FYN: variants seen among roughly 807,000 people sequenced by gnomAD.
The protein encoded by FYN is tyrosine-protein kinase Fyn.
Under a neutral mutation model 70.2 loss-of-function variants are expected in FYN, and 10 were observed. That is an observed-to-expected ratio of 0.14 (90% CI 0.09 to 0.24). FYN has a LOEUF of 0.24. FYN is among the 10% of genes least tolerant of loss of function. The pLI is 1.00. For missense variants in FYN, 319 were observed against 673.1 expected (o/e 0.47, Z 5.82); for synonymous variants, 236 against 248.6 (o/e 0.95, Z 0.48).
intron 2 of FYN, among the ~76,000 whole-genome samples, chr6:111,812,036 G>A (rs1197889520): frequency 6.6e-6 from 1 of 152,210 alleles, no homozygotes; most frequent in Non-Finnish European, 1.5e-5. Context: ...TGTAGACAGT[G>A]CTCAAAACAC....
chr6:111,700,456 G>A (rs565720596), intron 8 of FYN, among the ~76,000 whole-genome samples, 188 bp from the exon 9 acceptor site: 277 of 152,272 alleles, frequency 1.8e-3, no homozygotes, highest in Non-Finnish European at 3.2e-3. Context: ...CGCTACACCA[G>A]CAGACGACCA....
intron 3 of FYN, among the ~76,000 whole-genome samples, chr6:111,774,526 G>A (rs1373588719): frequency 1.3e-5 from 2 of 151,968 alleles, no homozygotes; most frequent in Non-Finnish European, 2.9e-5. Flanking sequence ...TGTGCCAATG[G>A]CACCTCCCAG....
rs142577265 is a variant in FYN at position 111,661,604 on chromosome 6, C to T, written c.*135G>A. 3.6e-5 allele frequency: 28 copies of T among 772,956 alleles called. No homozygotes were observed. The highest frequency in any genetic ancestry group is 5.2e-5 in the African/African-American group (3 of 57,680). The allele number at this position is 772,956 out of a possible 1,614,324, so 47.9% of individuals were successfully genotyped here. A position where few individuals can be genotyped will look rare whatever the true frequency, so the allele number is the denominator to read the frequency against. ...GTCATTAATGAGGGCCATGGAAGTT[C>T]GTCAGCTTCAGAGTCACATGCAATC... On this transcript the variant is annotated 3_prime_UTR_variant, in exon 14 of 14. Transcript: ENST00000354650. The surrounding 1 kb of genome is among the most constrained non-coding windows in gnomAD (Gnocchi z 4.0).
intron 12 of FYN, among the ~76,000 whole-genome samples, chr6:111,687,630 G>T (rs996044290): frequency 6.7e-6 from 1 of 149,022 alleles, no homozygotes; most frequent in Non-Finnish European, 1.5e-5. Context: ...GTGTGTGTGT[G>T]TATGTGTGTG....
intron 3 of FYN, among the ~76,000 whole-genome samples, chr6:111,755,605 T>G (rs983135895): frequency 6.6e-6 from 1 of 152,194 alleles, no homozygotes; most frequent in Non-Finnish European, 1.5e-5. Context: ...TAAAAAGAAT[T>G]GACCATGTCC....
chr6:111,739,525 C>G (rs1198329667), intron 3 of FYN, among the ~76,000 whole-genome samples: 1 of 152,198 alleles, frequency 6.6e-6, no homozygotes, highest in Non-Finnish European at 1.5e-5. Flanking sequence ...AGAGGCCCCG[C>G]CGCTGGGCAG....
At chr6:111,812,707 G>A (rs1296106471) in intron 2 of FYN, among the ~76,000 whole-genome samples, 1 of 149,476 alleles carries the variant, frequency 6.7e-6, no homozygotes, top group Non-Finnish European at 1.5e-5. Flanking sequence ...CACAGAATGA[G>A]GCCAGAGACA....
intron 3 of FYN, among the ~76,000 whole-genome samples, chr6:111,761,833 T>C (rs971971060): frequency 3.3e-5 from 5 of 152,114 alleles, no homozygotes; most frequent in Non-Finnish European, 5.9e-5. Flanking sequence ...AGGGTCTCCT[T>C]GTACTTTTAG....
intron 9 of FYN, chr6:111,699,755 C>G (rs535491894): frequency 7.7e-7 from 1 of 1,306,630 alleles, no homozygotes; most frequent in Non-Finnish European, 1.1e-6. Context: ...AGGTGACTTG[C>G]CCGTTAGGAT....
chr6:111,704,228 G>T (rs1799965044), intron 6 of FYN, 126 bp from the exon 7 acceptor site: 2 of 681,348 alleles, frequency 2.9e-6, no homozygotes, highest in Non-Finnish European at 5.0e-6. Flanking sequence ...TTCCCTGGAT[G>T]TATTTTTTTT....
chr6:111,770,109 T>C (rs1340901168), intron 3 of FYN, among the ~76,000 whole-genome samples: 5 of 152,206 alleles, frequency 3.3e-5, no homozygotes, highest in Admixed American at 2.0e-4. Flanking sequence ...CCCAACACCA[T>C]AGCCAGTAGC....
chr6:111,747,383 A>G (rs1394143400), intron 3 of FYN, among the ~76,000 whole-genome samples: 1 of 152,266 alleles, frequency 6.6e-6, no homozygotes. Context: ...TTAAAGTCTC[A>G]CAGTGTAAAA....
intron 3 of FYN, among the ~76,000 whole-genome samples, chr6:111,780,326 T>C (rs1218448149): frequency 1.3e-5 from 2 of 152,208 alleles, no homozygotes; most frequent in African/African-American, 2.4e-5. Flanking sequence ...TCCGGAAACT[T>C]TTCTAAATAT....
At chr6:111,822,397 G>GC (rs1380944834) in intron 2 of FYN, among the ~76,000 whole-genome samples, 1 of 151,926 alleles carries the variant, frequency 6.6e-6, no homozygotes, top group Non-Finnish European at 1.5e-5. Context: ...ACCAAACACC[G>GC]CATGTTCTCA....
chr6:111,682,153 G>C (rs925326363), intron 12 of FYN, among the ~76,000 whole-genome samples: 1 of 152,174 alleles, frequency 6.6e-6, no homozygotes, highest in African/African-American at 2.4e-5. Flanking sequence ...ACACCCTGAC[G>C]GTCAAAGTAA....
chr6:111,694,052 A>T lies in FYN; in HGVS notation c.1273+323T>A, dbSNP rs539435524. ...CAGGCATGTGAGAATGTGAGAATAAATGTGGTCTCTTTCTCCAAAAACAGA... is the reference window on the plus strand; with the variant it reads ...CAGGCATGTGAGAATGTGAGAATAATTGTGGTCTCTTTCTCCAAAAACAGA... On this transcript the variant is annotated intron_variant, in intron 12 of 13. Transcript: ENST00000354650. The surrounding 1 kb of genome is among the most constrained non-coding windows in gnomAD (Gnocchi z 5.0). 6.6e-6 allele frequency among the ~76,000 whole-genome samples: 1 copy of T among 152,246 alleles called. No individual in the cohort carries two copies. The highest frequency in any genetic ancestry group is 1.5e-5 in the Non-Finnish European group (1 of 68,022).
At chr6:111,797,703 T>C (rs937196836) in intron 2 of FYN, among the ~76,000 whole-genome samples, 2 of 91,024 alleles carry the variant, frequency 2.2e-5, no homozygotes, top group Non-Finnish European at 4.0e-5. Context: ...TATATATATA[T>C]ATATATATAC....
intron 13 of FYN, among the ~76,000 whole-genome samples, chr6:111,662,291 C>T (rs1364507590): frequency 6.6e-6 from 1 of 152,212 alleles, no homozygotes; most frequent in Non-Finnish European, 1.5e-5. Context: ...GGAGGAATCC[C>T]TGCCAAGGGG....
At chr6:111,861,764 T>C (rs1039254876) in intron 1 of FYN, among the ~76,000 whole-genome samples, 1 of 152,238 alleles carries the variant, frequency 6.6e-6, no homozygotes, top group African/African-American at 2.4e-5. Flanking sequence ...GTTTTGAGTT[T>C]CGTTATAGAA....
Sources: gnomAD v4.1 joint callset for allele counts (sites outside exome capture counted in the v4.1 genomes callset) on GRCh38, gnomAD v4.1.1 for gene constraint, Gnocchi (gnomAD v3.1) non-coding constraint, MANE v1.5 for transcripts, NCBI Gene and HGNC (gene_info 2026-07-23, HGNC 2026-07-21) for gene names.